The following PRKG1 variants were observed in gnomAD, a reference collection of about 807,000 sequenced individuals.
The protein encoded by PRKG1 is protein kinase cGMP-dependent 1.
In PRKG1, 35 loss-of-function variants were observed where a neutral mutation model predicts 88.1. The observed-to-expected ratio is 0.40, with a 90% CI of 0.30 to 0.53. The LOEUF (loss-of-function observed/expected upper bound fraction) is 0.53. Ranked by LOEUF, PRKG1 falls within the 20% of genes least tolerant of loss-of-function variation. The pLI is 0.59. For missense variants in PRKG1, 540 were observed against 839.8 expected (o/e 0.64, Z 4.41); for synonymous variants, 303 against 292.5 (o/e 1.04, Z -0.37).
At chr10:51,946,774 G>A (rs183458050) in intron 5 of PRKG1, among the ~76,000 whole-genome samples, 26 of 152,146 alleles carry the variant, frequency 1.7e-4, no homozygotes, top group South Asian at 4.1e-4. Context: ...GCAGAAGAGC[G>A]GATTTTCATG....
chr10:52,206,020 C>T (rs1839811546), intron 9 of PRKG1, among the ~76,000 whole-genome samples: 1 of 152,134 alleles, frequency 6.6e-6, no homozygotes, highest in South Asian at 2.1e-4. Flanking sequence ...TTGCAAGTTG[C>T]TTGCTTTCTC....
At chr10:51,691,775 C>T (rs1346690239) in intron 3 of PRKG1, among the ~76,000 whole-genome samples, 1 of 152,172 alleles carries the variant, frequency 6.6e-6, no homozygotes, top group Non-Finnish European at 1.5e-5. Flanking sequence ...GCTGCTTCTA[C>T]AGGCATTTAA....
intron 3 of PRKG1, among the ~76,000 whole-genome samples, chr10:51,505,105 G>C (rs186955381): frequency 3.3e-5 from 5 of 152,014 alleles, no homozygotes; most frequent in Non-Finnish European, 7.3e-5. Context: ...ATTAGCTGTG[G>C]GTTTGTCATA....
chr10:51,081,410 C>T (rs1844107280), intron 1 of PRKG1, among the ~76,000 whole-genome samples: 1 of 152,160 alleles, frequency 6.6e-6, no homozygotes, highest in Non-Finnish European at 1.5e-5. Context: ...ATGAAGACTG[C>T]CATAGAGAAG....
intron 4 of PRKG1, among the ~76,000 whole-genome samples, chr10:51,824,314 T>C (rs1212843094): frequency 1.3e-5 from 2 of 152,206 alleles, no homozygotes; most frequent in Admixed American, 1.3e-4. Flanking sequence ...TTGCCTGAGA[T>C]GAATTTAGCC....
At chr10:51,607,747 G>A (rs750483667) in intron 3 of PRKG1, among the ~76,000 whole-genome samples, 6 of 152,110 alleles carry the variant, frequency 3.9e-5, no homozygotes, top group African/African-American at 2.4e-5. Flanking sequence ...CCTTGATGGC[G>A]GTACTAGCAG....
At chr10:51,947,323 A>T (rs1344536498) in intron 5 of PRKG1, among the ~76,000 whole-genome samples, 1 of 152,138 alleles carries the variant, frequency 6.6e-6, no homozygotes, top group Non-Finnish European at 1.5e-5. Context: ...AGAAAAGCGC[A>T]GTATTGGGGT....
intron 7 of PRKG1, among the ~76,000 whole-genome samples, chr10:52,122,056 A>G (rs1400730353): frequency 1.3e-5 from 2 of 152,236 alleles, no homozygotes; most frequent in Non-Finnish European, 2.9e-5. Flanking sequence ...TGTAAAGAAC[A>G]GAGATTAACT....
chr10:51,267,526 A>G (rs886071329), intron 2 of PRKG1, among the ~76,000 whole-genome samples: 5 of 152,182 alleles, frequency 3.3e-5, no homozygotes, highest in African/African-American at 1.2e-4. Flanking sequence ...AATTTCATAT[A>G]CTAAGCTGGT....
intron 9 of PRKG1, among the ~76,000 whole-genome samples, chr10:52,193,080 C>G (rs1208231942): frequency 6.6e-6 from 1 of 152,050 alleles, no homozygotes; most frequent in Non-Finnish European, 1.5e-5. Flanking sequence ...GCAACAAAGG[C>G]TCTAGTTTTC....
intron 2 of PRKG1, among the ~76,000 whole-genome samples, chr10:51,249,684 A>C (rs1289752758): frequency 6.6e-6 from 1 of 151,872 alleles, no homozygotes; most frequent in Admixed American, 6.6e-5. Context: ...GCAGCATATT[A>C]TAAATTGTTA....
chr10:51,301,893 G>A (rs1840897928), intron 2 of PRKG1, among the ~76,000 whole-genome samples: 2 of 152,210 alleles, frequency 1.3e-5, no homozygotes, highest in African/African-American at 4.8e-5. Flanking sequence ...TGAGCCGTGA[G>A]GTATCAGGAT....
intron 2 of PRKG1, among the ~76,000 whole-genome samples, chr10:51,350,872 C>T (rs1209464077): frequency 3.3e-5 from 5 of 152,104 alleles, no homozygotes; most frequent in African/African-American, 9.7e-5. Flanking sequence ...CCCATCAACC[C>T]GTCATCTACA....
At chr10:52,153,776 G>A (rs905788087) in intron 8 of PRKG1, among the ~76,000 whole-genome samples, 20 of 151,776 alleles carry the variant, frequency 1.3e-4, no homozygotes, top group Admixed American at 6.6e-4. Flanking sequence ...ATGGAGTTTC[G>A]CTCTTGTTGC....
chr10:51,593,297 C>T (rs1414229842), intron 3 of PRKG1, among the ~76,000 whole-genome samples: 1 of 150,428 alleles, frequency 6.6e-6, no homozygotes, highest in Admixed American at 6.6e-5. Flanking sequence ...GAGGGTAATA[C>T]CCTATACTGA....
intron 8 of PRKG1, among the ~76,000 whole-genome samples, chr10:52,157,168 G>A (rs1838132771): frequency 6.7e-6 from 1 of 149,086 alleles, no homozygotes; most frequent in African/African-American, 2.4e-5. Context: ...TCATAATAAG[G>A]GATAGGAGAT....
chr10:51,155,807 CTGGA>C (rs1846194966), intron 2 of PRKG1, among the ~76,000 whole-genome samples: 1 of 151,908 alleles, frequency 6.6e-6, no homozygotes. Context: ...ATTTGACTGA[CTGGA>C]TGAGGCTCGC....
At chr10:52,050,968 G>T (rs566835695) in intron 5 of PRKG1, among the ~76,000 whole-genome samples, 1 of 152,182 alleles carries the variant, frequency 6.6e-6, no homozygotes, top group South Asian at 2.1e-4. Context: ...CTGCAGCTGG[G>T]GTTAGGGTGC....
chr10:51,819,318 C>G (rs541519218), intron 4 of PRKG1, among the ~76,000 whole-genome samples: 1 of 152,044 alleles, frequency 6.6e-6, no homozygotes, highest in Non-Finnish European at 1.5e-5. Context: ...CTTTTCCCAT[C>G]CTGCCCAGGG....
Sources: gnomAD v4.1 joint callset for allele counts (sites outside exome capture counted in the v4.1 genomes callset) on GRCh38, gnomAD v4.1.1 for gene constraint, MANE v1.5 for transcripts, NCBI Gene and HGNC (gene_info 2026-07-23, HGNC 2026-07-21) for gene names.